Variants in CPAMD8 observed in about 807,000 individuals in gnomAD.
CPAMD8 encodes the protein C3 and PZP-like alpha-2-macroglobulin domain-containing protein 8.
In CPAMD8, 146 loss-of-function variants were observed where a neutral mutation model predicts 224.7. The ratio of observed to expected loss-of-function variants is 0.65; its 90% CI spans 0.57 to 0.75. CPAMD8 has a LOEUF of 0.75. Ranked by LOEUF, CPAMD8 falls within the 30% of genes least tolerant of loss-of-function variation. The pLI is 0.00. For synonymous variants in CPAMD8, 966 were observed against 1,044.6 expected (o/e 0.92, Z 1.45); for missense variants, 2,301 against 2,537.5 (o/e 0.91, Z 2.00).
chr19:16,902,731 C>T lies in CPAMD8; in HGVS notation c.4603G>A (p.Asp1535Asn). Reference sequence around the variant, plus strand: ...TCATCATCGTCAGCTGGGGGCCAGTCTCCTCGGGAACCCTCAGCTGCGGAG... The same window carrying T: ...TCATCATCGTCAGCTGGGGGCCAGTTTCCTCGGGAACCCTCAGCTGCGGAG... ...PASAAEGSRG[D>N]WPPADDDDPA... The change falls in exon 35 of 42, where the codon GAC becomes AAC. Residue 1535 changes from aspartate (D) to asparagine (N), a missense_variant. Coordinates refer to ENST00000443236, the MANE Select transcript of CPAMD8 (RefSeq NM_015692.5). 6.2e-7 allele frequency: 1 copy of T among 1,602,718 alleles called. No homozygotes were observed. The highest frequency in any genetic ancestry group is 8.5e-7 in the Non-Finnish European group (1 of 1,172,426).
At chr19:16,896,137 G>A in intron 41 of CPAMD8, 39 bp downstream of exon 41, 1 of 1,609,478 alleles carries the variant, frequency 6.2e-7, no homozygotes. Flanking sequence ...GAGATATTGA[G>A]CCTATGTCTC....
chr19:16,936,539 A>G (rs2053688415), intron 23 of CPAMD8, among the ~76,000 whole-genome samples: 1 of 151,966 alleles, frequency 6.6e-6, no homozygotes, highest in Non-Finnish European at 1.5e-5. Context: ...AGTAGCTGGG[A>G]CCACAGGCAC....
At chr19:17,008,734 GA>G in intron 6 of CPAMD8, 175 bp from the exon 7 acceptor site, 1 of 768,344 alleles carries the variant, frequency 1.3e-6, no homozygotes. Flanking sequence ...AGAAGGATTT[GA>G]AAAGCAGAAG....
chr19:16,980,608 C>T lies in CPAMD8; in HGVS notation c.1474G>A (p.Gly492Ser), dbSNP rs372597947. ...FTLYYEVAAR[G>S]NIVLSGQQPA... ...TGCTGGCCCGATAGCACAATATTGC[C>T]CCGTGCAGCCACCTCGTAGTACAGG... Residue 492 changes from glycine (G) to serine (S), a missense_variant, in exon 14 of 42, where the codon GGC (glycine) becomes AGC (serine). Coordinates refer to ENST00000443236, the MANE Select transcript of CPAMD8 (RefSeq NM_015692.5). 3.2e-5 allele frequency: 52 copies of T among 1,610,586 alleles called. No homozygotes were observed. Among genetic ancestry groups the T allele is most frequent in the Non-Finnish European group, 4.3e-5 (51 of 1,178,804 alleles).
intron 19 of CPAMD8, among the ~76,000 whole-genome samples, chr19:16,952,509 G>T (rs1161988377): frequency 1.3e-5 from 2 of 152,072 alleles, no homozygotes; most frequent in African/African-American, 4.8e-5. Context: ...AGACCGTGTT[G>T]CTACAAAAAA....
At position 16,924,006 on chromosome 19, in the gene CPAMD8, C is replaced by T. The variant is rs536144815; in HGVS notation, c.3547+1190G>A. Among the ~76,000 whole-genome samples, 83 of 152,020 alleles carry T rather than the reference C, an allele frequency of 5.5e-4. 1 individual carries two copies. In the South Asian group the frequency reaches 6.2e-3, roughly 11 times the overall value. On this transcript the variant is annotated intron_variant, in intron 26 of 41. Coordinates refer to ENST00000443236, the MANE Select transcript of CPAMD8 (RefSeq NM_015692.5). ...GGGAATTAGTCACAGAGGTGACAGC[C>T]ATGTGATTGTGAAGGCACAGAGCAG...
chr19:16,916,032 C>G (rs2052944499), intron 27 of CPAMD8, among the ~76,000 whole-genome samples: 1 of 150,518 alleles, frequency 6.6e-6, no homozygotes, highest in African/African-American at 2.4e-5. Flanking sequence ...TCTTGCTTTT[C>G]AAGACAGGGT....
intron 18 of CPAMD8, among the ~76,000 whole-genome samples, chr19:16,966,206 A>G (rs1206997603): frequency 2.0e-5 from 3 of 152,202 alleles, no homozygotes; most frequent in African/African-American, 7.2e-5. Context: ...CAACCATCTG[A>G]TCTTTGACAA....
At chr19:17,012,660 G>A (rs563363463) in intron 3 of CPAMD8, among the ~76,000 whole-genome samples, 2 of 152,294 alleles carry the variant, frequency 1.3e-5, no homozygotes, top group South Asian at 4.1e-4. Context: ...CAGCCATGCT[G>A]AGGCTGAGAA....
rs111399374 is a variant in CPAMD8, at chr19:16,903,670, A to C, written c.4407+32T>G. ...AGGCCCTGCTGACCCCTCCTCCAAC[A>C]ACCCCCAAACCCTCATCCCAGGAAC... On this transcript the variant is annotated intron_variant, in intron 33 of 41. Coordinates refer to ENST00000443236, the MANE Select transcript of CPAMD8 (RefSeq NM_015692.5). 977 of 1,613,810 alleles carry C rather than the reference A, an allele frequency of 6.1e-4. 3 individuals are homozygous for C. The African/African-American group carries it at 0.011, about 18-fold the overall frequency.
intron 10 of CPAMD8, among the ~76,000 whole-genome samples, chr19:16,999,745 C>G (rs1410005167): frequency 1.3e-5 from 2 of 152,144 alleles, no homozygotes; most frequent in African/African-American, 4.8e-5. Flanking sequence ...AACTCCTGAG[C>G]TCAAGAGATC....
At chr19:16,973,745 G>A (rs918107619) in intron 17 of CPAMD8, among the ~76,000 whole-genome samples, 15 of 152,064 alleles carry the variant, frequency 9.9e-5, no homozygotes, top group African/African-American at 3.1e-4. Context: ...CCTGAAGGGC[G>A]AAGCATGCTC....
At chr19:16,915,818 CGCCT>C (rs1010064130) in intron 27 of CPAMD8, among the ~76,000 whole-genome samples, 32 of 130,600 alleles carry the variant, frequency 2.5e-4, no homozygotes, top group African/African-American at 6.6e-4. Flanking sequence ...CCCGCCTGCC[CGCCT>C]GCCTGCCTTC....
Position 16,939,030 on chromosome 19 carries a change from G to A in CPAMD8, c.2794-584C>T, listed in dbSNP as rs144096071. On this transcript the variant is annotated intron_variant, in intron 22 of 41. Coordinates refer to ENST00000443236, the MANE Select transcript of CPAMD8 (RefSeq NM_015692.5). ...CAGAATTTAACCCCCTATACCTTGC[G>A]GAGCTTGGTCTGACCAACACGGCCC... Among the ~76,000 whole-genome samples the A allele has an allele frequency of 1.3e-3, 202 of 152,294 alleles. 2 individuals are homozygous for A. The highest frequency in any genetic ancestry group is 6.8e-3 in the Middle Eastern group (2 of 294).
intron 23 of CPAMD8, among the ~76,000 whole-genome samples, chr19:16,935,865 A>G (rs1599732996): frequency 6.6e-6 from 1 of 151,888 alleles, no homozygotes; most frequent in Non-Finnish European, 1.5e-5. Context: ...ACCATTTTAC[A>G]TTTCCACCAG....
At chr19:16,925,808 T>C (rs1451426220) in intron 25 of CPAMD8, among the ~76,000 whole-genome samples, 2 of 151,976 alleles carry the variant, frequency 1.3e-5, no homozygotes, top group African/African-American at 2.4e-5. Flanking sequence ...GGCTGGAGTA[T>C]AGTGGCACAA....
At chr19:16,991,372 T>C (rs2055943879) in intron 12 of CPAMD8, among the ~76,000 whole-genome samples, 1 of 152,144 alleles carries the variant, frequency 6.6e-6, no homozygotes, top group Non-Finnish European at 1.5e-5. Flanking sequence ...CCCCTGGACT[T>C]GCAGCTGGTG....
chr19:17,005,583 A>G (rs2056466801), intron 7 of CPAMD8, among the ~76,000 whole-genome samples: 1 of 152,082 alleles, frequency 6.6e-6, no homozygotes, highest in Non-Finnish European at 1.5e-5. Flanking sequence ...GAAAGGGCAC[A>G]TTGACTCTAG....
chr19:16,914,302 C>T (rs1026635816), intron 29 of CPAMD8, 122 bp downstream of exon 29: 2 of 729,966 alleles, frequency 2.7e-6, no homozygotes, highest in Non-Finnish European at 4.7e-6. Context: ...CATGAAAAAG[C>T]CTCGATAATG....
Sources: allele counts gnomAD v4.1 joint callset (sites outside exome capture counted in the v4.1 genomes callset), GRCh38; gene constraint gnomAD v4.1.1; transcripts MANE v1.5; gene names NCBI Gene and HGNC (gene_info 2026-07-23, HGNC 2026-07-21).